The following CDH13 variants were observed in gnomAD, a reference collection of about 807,000 sequenced individuals.
The protein encoded by CDH13 is cadherin 13.
Under a neutral mutation model 63.8 loss-of-function variants are expected in CDH13, and 24 were observed. The ratio of observed to expected loss-of-function variants is 0.38; its 90% CI spans 0.27 to 0.53. The LOEUF is 0.53. Ranked by LOEUF, CDH13 falls within the 20% of genes least tolerant of loss-of-function variation. The pLI is 0.85. For synonymous variants in CDH13, 503 were observed against 355.3 expected (o/e 1.42, Z -4.67); for missense variants, 1,049 against 903.1 (o/e 1.16, Z -2.07).
At chr16:83,544,333 A>C (rs2075345034) in intron 7 of CDH13, among the ~76,000 whole-genome samples, 1 of 152,068 alleles carries the variant, frequency 6.6e-6, no homozygotes. Context: ...TTCCATTCAG[A>C]TTCCTGCTCC....
chr16:83,050,599 C>T (rs1206787769), intron 3 of CDH13, among the ~76,000 whole-genome samples: 1 of 152,150 alleles, frequency 6.6e-6, no homozygotes, highest in Non-Finnish European at 1.5e-5. Flanking sequence ...CTACCATCCT[C>T]AACAATTTTA....
chr16:83,154,463 A>G (rs912425187), intron 4 of CDH13, among the ~76,000 whole-genome samples: 4 of 151,808 alleles, frequency 2.6e-5, no homozygotes, highest in African/African-American at 9.7e-5. Flanking sequence ...GCTACTGTGG[A>G]GGCTGAGGCA....
intron 4 of CDH13, among the ~76,000 whole-genome samples, chr16:83,132,921 C>T (rs1217463365): frequency 2.0e-5 from 3 of 152,172 alleles, no homozygotes; most frequent in Non-Finnish European, 4.4e-5. Flanking sequence ...TTTCCTATTT[C>T]CAAGTCTTTG....
chr16:82,991,901 T>C (rs1411567591), intron 2 of CDH13, among the ~76,000 whole-genome samples: 1 of 152,048 alleles, frequency 6.6e-6, no homozygotes, highest in Admixed American at 6.6e-5. Flanking sequence ...GAGAGTGATA[T>C]AAAGAAATTT....
intron 6 of CDH13, among the ~76,000 whole-genome samples, chr16:83,369,472 A>C (rs971535502): frequency 6.6e-6 from 1 of 152,024 alleles, no homozygotes; most frequent in Non-Finnish European, 1.5e-5. Context: ...AGTCTAGAGT[A>C]CAGTAGTGCA....
chr16:83,528,118 C>G (rs546939562), intron 7 of CDH13, among the ~76,000 whole-genome samples: 1 of 152,206 alleles, frequency 6.6e-6, no homozygotes, highest in African/African-American at 2.4e-5. Context: ...CCCAAACTCA[C>G]ACAGCCTCTT....
chr16:83,757,178 A>G (rs1913578749), intron 11 of CDH13, among the ~76,000 whole-genome samples: 1 of 152,242 alleles, frequency 6.6e-6, no homozygotes, highest in African/African-American at 2.4e-5. Flanking sequence ...ATAACTCATA[A>G]TCAAAAACAA....
At chr16:82,957,826 A>T (rs1301352568) in intron 2 of CDH13, among the ~76,000 whole-genome samples, 2 of 152,240 alleles carry the variant, frequency 1.3e-5, no homozygotes, top group African/African-American at 4.8e-5. Context: ...GTATAACTAT[A>T]ATGAATATCT....
At chr16:83,304,633 C>T (rs2089831001) in intron 5 of CDH13, among the ~76,000 whole-genome samples, 1 of 151,974 alleles carries the variant, frequency 6.6e-6, no homozygotes, top group Admixed American at 6.6e-5. Flanking sequence ...TTAATAAATG[C>T]CCATTGGAAC....
Position 83,670,940 on chromosome 16 carries a change from C to G in CDH13, c.1252C>G (p.Gln418Glu), listed in dbSNP as rs1914445239. Residue 418 changes from glutamine to glutamate, a missense_variant, in exon 9 of 14, where the codon CAA becomes GAA. By Grantham distance (29) the Gln-to-Glu change is conservative. Transcript: ENST00000567109. Reference sequence around the variant, plus strand: ...GAGCTTTGAAATCCACACCAACCCTCAAACCAACGAAGGGATGCTTTCTGT... The same window carrying G: ...GAGCTTTGAAATCCACACCAACCCTGAAACCAACGAAGGGATGCTTTCTGT... ...GQSFEIHTNP[Q>E]TNEGMLSVVK... is the part of the protein sequence containing the mutation. 6.2e-7 allele frequency: 1 copy of G among 1,606,614 alleles called. No individual in the cohort carries two copies. Among genetic ancestry groups the G allele is most frequent in the African/African-American group, 1.3e-5 (1 of 74,752 alleles).
At chr16:83,770,876 A>G (rs1914714471) in intron 11 of CDH13, among the ~76,000 whole-genome samples, 2 of 151,986 alleles carry the variant, frequency 1.3e-5, no homozygotes, top group Admixed American at 1.3e-4. Flanking sequence ...CTCCTATCTC[A>G]TCCTGTGACT....
intron 4 of CDH13, among the ~76,000 whole-genome samples, chr16:83,127,593 A>G (rs1350226614): frequency 1.3e-5 from 2 of 152,004 alleles, no homozygotes; most frequent in African/African-American, 4.8e-5. Context: ...AGCCAGTGTC[A>G]TGGCACGCCT....
rs186451033 is a variant in CDH13, at chr16:83,765,373, G to A, written c.1682-14595G>A. ...CAAAAAGTTGAATTTTTGTACAACAGTTTAGTTTTACATTATTGTCTCTTC... is the reference window on the plus strand; with the variant it reads ...CAAAAAGTTGAATTTTTGTACAACAATTTAGTTTTACATTATTGTCTCTTC... On this transcript the variant is annotated intron_variant, in intron 11 of 13. Coordinates refer to ENST00000567109, the MANE Select transcript of CDH13 (RefSeq NM_001257.5). Among the ~76,000 whole-genome samples the A allele has an allele frequency of 1.1e-4, 16 of 152,154 alleles. No individual in the cohort carries two copies. In the East Asian group the frequency reaches 2.9e-3, roughly 28 times the overall value.
intron 3 of CDH13, among the ~76,000 whole-genome samples, chr16:83,054,671 G>C (rs529797853): frequency 6.6e-6 from 1 of 152,228 alleles, no homozygotes; most frequent in East Asian, 1.9e-4. Flanking sequence ...ACAGATAAGA[G>C]GGTGACTGGT....
intron 7 of CDH13, among the ~76,000 whole-genome samples, chr16:83,525,190 G>T (rs2074932785): frequency 1.3e-5 from 2 of 152,048 alleles, no homozygotes; most frequent in Middle Eastern, 3.4e-3. Context: ...ACCAACCACG[G>T]GCCAGTAGAA....
chr16:82,972,786 TGAGA>T (rs75556976), intron 2 of CDH13, among the ~76,000 whole-genome samples: 17,872 of 152,202 alleles, frequency 0.12, 1,265 homozygotes, highest in East Asian at 0.16. Context: ...TTACAACCAC[TGAGA>T]AAGAGCTTGT....
chr16:83,670,394 C>T (rs1167328813), intron 8 of CDH13, among the ~76,000 whole-genome samples: 2 of 130,754 alleles, frequency 1.5e-5, no homozygotes, highest in African/African-American at 7.0e-5. Flanking sequence ...GGTTGCTCCC[C>T]TCCATGTGGT....
intron 1 of CDH13, among the ~76,000 whole-genome samples, chr16:82,730,585 T>C (rs1318841456): frequency 6.6e-6 from 1 of 152,156 alleles, no homozygotes; most frequent in Admixed American, 6.5e-5. Flanking sequence ...ATCATAATAA[T>C]TTGAAAGTTT....
intron 10 of CDH13, among the ~76,000 whole-genome samples, chr16:83,682,826 C>T (rs375196353): frequency 1.9e-4 from 29 of 152,248 alleles, no homozygotes; most frequent in South Asian, 1.9e-3. Flanking sequence ...CATGAGAGAC[C>T]GGGACCCTGA....
Sources: gnomAD v4.1 joint callset for allele counts (sites outside exome capture counted in the v4.1 genomes callset) on GRCh38, gnomAD v4.1.1 for gene constraint, MANE v1.5 for transcripts, NCBI Gene and HGNC (gene_info 2026-07-23, HGNC 2026-07-21) for gene names.